GAS7: variants seen among roughly 807,000 people sequenced by gnomAD.
GAS7 encodes growth arrest specific 7, also known as growth arrest-specific protein 7.
A neutral mutation model predicts 71.1 loss-of-function variants in GAS7; 28 were observed. The ratio of observed to expected loss-of-function variants is 0.39; its 90% CI spans 0.29 to 0.54. GAS7 has a LOEUF of 0.54. Ranked by LOEUF, GAS7 falls within the 20% of genes least tolerant of loss-of-function variation. The pLI is 0.62. For synonymous variants in GAS7, 258 were observed against 245.8 expected (o/e 1.05, Z -0.46); for missense variants, 436 against 627.8 (o/e 0.69, Z 3.27).
chr17:10,058,886 G>A (rs2073184151), intron 1 of GAS7, among the ~76,000 whole-genome samples: 1 of 152,208 alleles, frequency 6.6e-6, no homozygotes, highest in Non-Finnish European at 1.5e-5. Flanking sequence ...GCAAATCCAA[G>A]TTTTGTAGAT....
intron 1 of GAS7, among the ~76,000 whole-genome samples, chr17:10,110,860 T>C (rs945627389): frequency 2.0e-5 from 3 of 152,206 alleles, no homozygotes; most frequent in Non-Finnish European, 2.9e-5. Flanking sequence ...GCTAGAAGAA[T>C]GTTTGTTCCC....
At chr17:9,932,813 G>A (rs891653003) in intron 9 of GAS7, among the ~76,000 whole-genome samples, 5 of 152,126 alleles carry the variant, frequency 3.3e-5, no homozygotes, top group Non-Finnish European at 5.9e-5. Flanking sequence ...CCCTGAGGAT[G>A]GGAATAGGAC....
At chr17:9,933,688 T>TA (rs2068287278) in intron 9 of GAS7, among the ~76,000 whole-genome samples, 1 of 151,586 alleles carries the variant, frequency 6.6e-6, no homozygotes, top group African/African-American at 2.4e-5. Flanking sequence ...TACAAATAAA[T>TA]AAAAAAATTA....
chr17:10,070,341 C>CTTT (rs71365713), intron 1 of GAS7, among the ~76,000 whole-genome samples: 238 of 106,046 alleles, frequency 2.2e-3, no homozygotes, highest in Middle Eastern at 0.013. Context: ...TCTCTCTCTT[C>CTTT]TTTTTTTTTT....
At chr17:9,967,172 CTT>C (rs34002748) in intron 4 of GAS7, among the ~76,000 whole-genome samples, 107,238 of 146,082 alleles carry the variant, frequency 0.73, 39,257 homozygotes, top group Middle Eastern at 0.81. Context: ...TACTTTGTAG[CTT>C]TTTTTTTTTT....
At chr17:10,129,026 A>G (rs1469538015) in intron 1 of GAS7, among the ~76,000 whole-genome samples, 1 of 152,048 alleles carries the variant, frequency 6.6e-6, no homozygotes, top group African/African-American at 2.4e-5. Flanking sequence ...ATGAGAAGAC[A>G]TTTTTTCACC....
chr17:9,913,997 C>CTAAGT lies in GAS7; in HGVS notation c.*3230_*3231insACTTA. On this transcript the variant is annotated 3_prime_UTR_variant, in exon 14 of 14. Coordinates refer to ENST00000432992, the MANE Select transcript of GAS7 (RefSeq NM_201433.2). Reference sequence around the variant, plus strand: ...TGAATAAACCCAGCTAAGTCCTCACCTAAGCACCAAGACATAAAACAAAAC... The same window carrying CTAAGT: ...TGAATAAACCCAGCTAAGTCCTCACCTAAGTTAAGCACCAAGACATAAAACAAAAC... The CTAAGT allele has an allele frequency of 4.3e-6, 1 of 231,460 alleles. No homozygotes were observed. The highest frequency in any genetic ancestry group is 8.5e-6 in the Non-Finnish European group (1 of 116,966). The allele number at this position is 231,460 out of a possible 1,614,324, so 14.3% of individuals were successfully genotyped here.
intron 4 of GAS7, among the ~76,000 whole-genome samples, chr17:9,968,122 A>AACAGTCTCAAATCAGGAG (rs2069797960): frequency 6.6e-6 from 1 of 152,226 alleles, no homozygotes; most frequent in Non-Finnish European, 1.5e-5. Flanking sequence ...TGTCTTCCAA[A>AACAGTCTCAAATCAGGAG]ACAGTCTCAA....
Position 10,198,579 on chromosome 17 carries a change from T to G in GAS7, c.-189A>C. 1 of 372,192 alleles carries G rather than the reference T, an allele frequency of 2.7e-6. No individual in the cohort carries two copies. The highest frequency in any genetic ancestry group is 4.7e-6 in the Non-Finnish European group (1 of 212,012). The allele number at this position is 372,192 out of a possible 1,614,324, so 23.1% of individuals were successfully genotyped here. Reference sequence around the variant, plus strand: ...GCGCTCCGCGCCGGGAAGCAGAGACTCGTTGGCTTCGCAGAGCGAGCGGCG... The same window carrying G: ...GCGCTCCGCGCCGGGAAGCAGAGACGCGTTGGCTTCGCAGAGCGAGCGGCG... On this transcript the variant is annotated 5_prime_UTR_variant, in exon 1 of 14. Coordinates refer to ENST00000432992, the MANE Select transcript of GAS7 (RefSeq NM_201433.2).
intron 11 of GAS7, among the ~76,000 whole-genome samples, chr17:9,923,202 C>T (rs1429956382): frequency 2.0e-5 from 3 of 151,158 alleles, no homozygotes; most frequent in Non-Finnish European, 1.5e-5. Context: ...CCACCACGGC[C>T]GGCCTTCACT....
intron 1 of GAS7, among the ~76,000 whole-genome samples, chr17:10,044,065 C>T (rs1474207930): frequency 2.0e-5 from 3 of 152,238 alleles, no homozygotes; most frequent in Non-Finnish European, 1.5e-5. Flanking sequence ...CAGCTGCAGA[C>T]GTCAGTCTAC....
intron 1 of GAS7, among the ~76,000 whole-genome samples, chr17:10,173,561 G>T (rs1369267327): frequency 1.3e-5 from 2 of 152,008 alleles, no homozygotes; most frequent in African/African-American, 2.4e-5. Flanking sequence ...AAGGTCAGGA[G>T]ATCAAGACCA....
In GAS7 at chr17:10,034,287, C is replaced by CAT; in HGVS notation, c.184-14392_184-14391dup. 2 of 803,794 alleles carry CAT rather than the reference C, an allele frequency of 2.5e-6. No homozygotes were observed. The highest frequency in any genetic ancestry group is 5.7e-5 in the South Asian group (1 of 17,694). The allele number at this position is 803,794 out of a possible 1,614,324, so 49.8% of individuals were successfully genotyped here. On this transcript the variant is annotated intron_variant, in intron 1 of 13. Coordinates refer to ENST00000432992, the MANE Select transcript of GAS7 (RefSeq NM_201433.2). This position sits in a 1 kb window ranked among gnomAD's most constrained non-coding sequence, Gnocchi z 4.4. ...TGGTCTCCAAGGGCTTTCATATATACATATATATAGCCTAATACTTAATAA... is the reference window on the plus strand; with the variant it reads ...TGGTCTCCAAGGGCTTTCATATATACATATATATATAGCCTAATACTTAATAA...
rs565105853 is a variant in GAS7 at position 10,027,260 on chromosome 17, G to A, written c.184-7363C>T. ...AATGAATGAATGAATGAATGAATGA[G>A]TGAATGAAAACTGAGAATTATAGTA... On this transcript the variant is annotated intron_variant, in intron 1 of 13. Coordinates refer to ENST00000432992, the MANE Select transcript of GAS7 (RefSeq NM_201433.2). Among the ~76,000 whole-genome samples, 112 of 145,548 alleles carry A rather than the reference G, an allele frequency of 7.7e-4. 1 individual carries two copies. The highest frequency in any genetic ancestry group is 1.3e-3 in the Non-Finnish European group (83 of 65,374).
At chr17:9,992,189 C>G (rs2070867976) in intron 2 of GAS7, among the ~76,000 whole-genome samples, 1 of 152,136 alleles carries the variant, frequency 6.6e-6, no homozygotes, top group Admixed American at 6.5e-5. Flanking sequence ...ACAAAAGCCC[C>G]AGGGAGTGGG....
intron 1 of GAS7, among the ~76,000 whole-genome samples, chr17:10,125,737 G>A (rs574220177): frequency 6.6e-6 from 1 of 152,044 alleles, no homozygotes; most frequent in African/African-American, 2.4e-5. Context: ...CTGGCCACTG[G>A]GGGAATTAGA....
At chr17:9,967,695 C>G (rs1014622684) in intron 4 of GAS7, among the ~76,000 whole-genome samples, 4 of 152,072 alleles carry the variant, frequency 2.6e-5, no homozygotes, top group Non-Finnish European at 5.9e-5. Context: ...CTAATGGCTG[C>G]ATAGTATCAC....
intron 1 of GAS7, among the ~76,000 whole-genome samples, chr17:10,189,351 CCT>C (rs1193593397): frequency 6.6e-6 from 1 of 152,172 alleles, no homozygotes; most frequent in East Asian, 1.9e-4. Context: ...GCCTCCCCTC[CCT>C]GTTTTCTTCA....
rs2067473171 is a variant in GAS7, at chr17:9,912,761, T to A, written c.*4467A>T. ...TGGGGAACTGAAGGAAGCAGCAAGC[T>A]GGAAGTGGTCGTGCAAACAAGTTGA... On this transcript the variant is annotated 3_prime_UTR_variant, in exon 14 of 14. Coordinates refer to ENST00000432992, the MANE Select transcript of GAS7 (RefSeq NM_201433.2). The A allele has an allele frequency of 2.1e-5, 5 of 232,630 alleles. 1 individual carries two copies. The highest frequency in any genetic ancestry group is 3.6e-4 in the South Asian group (2 of 5,522). 14.4% of individuals were successfully genotyped at this position (232,630 alleles called of 1,614,324 possible).
Sources: allele counts gnomAD v4.1 joint callset (sites outside exome capture counted in the v4.1 genomes callset), GRCh38; gene constraint gnomAD v4.1.1; non-coding constraint Gnocchi (gnomAD v3.1); transcripts MANE v1.5; gene names NCBI Gene and HGNC (gene_info 2026-07-23, HGNC 2026-07-21).